The following FUT9 variants were observed in gnomAD, a reference collection of about 807,000 sequenced individuals.
The protein encoded by FUT9 is fucosyltransferase 9, also known as 4-galactosyl-N-acetylglucosaminide 3-alpha-L-fucosyltransferase 9.
Under a neutral mutation model 29.7 loss-of-function variants are expected in FUT9, and 15 were observed. The ratio of observed to expected loss-of-function variants is 0.51; its 90% CI spans 0.34 to 0.78. The LOEUF is 0.78. FUT9 is among the 30% of genes least tolerant of loss of function. The probability of loss-of-function intolerance (pLI) is 0.01; values close to 1 mark genes in which losing one functional copy is unlikely to be tolerated. For missense variants in FUT9, 319 were observed against 425.4 expected, an observed-to-expected ratio of 0.75 and a Z score of 2.20; for synonymous variants, 169 against 153.7, an observed-to-expected ratio of 1.10 and a Z score of -0.74.
chr6:96,064,480 T>G (rs1251461801), intron 1 of FUT9, among the ~76,000 whole-genome samples: 1 of 152,224 alleles, frequency 6.6e-6, no homozygotes, highest in South Asian at 2.1e-4. Context: ...AGGGGGCTGA[T>G]GGCGTCATTA....
At chr6:96,151,207 T>C (rs1772668802) in intron 2 of FUT9, among the ~76,000 whole-genome samples, 1 of 152,216 alleles carries the variant, frequency 6.6e-6, no homozygotes, top group South Asian at 2.1e-4. Flanking sequence ...CTTGAGGCTT[T>C]AATTCTTTGA....
intron 1 of FUT9, among the ~76,000 whole-genome samples, chr6:96,069,807 A>AT (rs1344422033): frequency 6.6e-6 from 1 of 151,686 alleles, no homozygotes; most frequent in East Asian, 1.9e-4. Context: ...ATTTTTTTGT[A>AT]TTTTTAGTAG....
intron 2 of FUT9, among the ~76,000 whole-genome samples, chr6:96,191,844 C>T (rs955485656): frequency 1.3e-5 from 2 of 152,148 alleles, no homozygotes; most frequent in African/African-American, 2.4e-5. Context: ...CATCAAAAAG[C>T]TTATCTAACA....
chr6:96,202,109 C>T (rs1340247615), intron 2 of FUT9, among the ~76,000 whole-genome samples: 1 of 151,844 alleles, frequency 6.6e-6, no homozygotes, highest in Non-Finnish European at 1.5e-5. Context: ...TTTCAAATGA[C>T]CCGTGAGAAT....
chr6:96,156,409 G>C (rs1037163170), intron 2 of FUT9, among the ~76,000 whole-genome samples: 1 of 152,194 alleles, frequency 6.6e-6, no homozygotes, highest in Non-Finnish European at 1.5e-5. Context: ...CACTCGAAGA[G>C]TGAGTGGAGT....
intron 2 of FUT9, among the ~76,000 whole-genome samples, chr6:96,161,042 A>G (rs1772891109): frequency 1.3e-5 from 2 of 152,194 alleles, no homozygotes; most frequent in Non-Finnish European, 2.9e-5. Context: ...AGTAGAGGAA[A>G]ATCTAGATTC....
chr6:96,187,264 C>G (rs930987016), intron 2 of FUT9, among the ~76,000 whole-genome samples: 3 of 152,114 alleles, frequency 2.0e-5, no homozygotes, highest in African/African-American at 7.2e-5. Flanking sequence ...GAGTGTTTCA[C>G]TGAATTCAAA....
At chr6:96,018,962 A>G (rs956492036) in intron 1 of FUT9, among the ~76,000 whole-genome samples, 3 of 151,890 alleles carry the variant, frequency 2.0e-5, no homozygotes, top group African/African-American at 7.2e-5. Context: ...AACTAAATAA[A>G]AGTTCTATTA....
At chr6:96,198,039 A>C (rs934807604) in intron 2 of FUT9, among the ~76,000 whole-genome samples, 5 of 151,968 alleles carry the variant, frequency 3.3e-5, no homozygotes, top group Non-Finnish European at 5.9e-5. Context: ...TGGTTGGAGA[A>C]TTACAACTCT....
At chr6:96,129,173 G>A (rs540663742) in intron 2 of FUT9, among the ~76,000 whole-genome samples, 2 of 151,196 alleles carry the variant, frequency 1.3e-5, no homozygotes, top group East Asian at 1.9e-4. Context: ...GCTGAGGCAG[G>A]AGAATGGCAT....
In FUT9 at chr6:96,207,066, C is replaced by T. The variant is rs1047286037; in HGVS notation, c.*2831C>T. The T allele has an allele frequency of 1.2e-5, 2 of 166,916 alleles. No homozygotes were observed. The highest frequency in any genetic ancestry group is 1.3e-4 in the Admixed American group (2 of 15,250). 10.3% of individuals were successfully genotyped at this position (166,916 alleles called of 1,614,324 possible). On this transcript the variant is annotated 3_prime_UTR_variant, in exon 3 of 3. Transcript: ENST00000302103. ...GGAAGAATTAAATGACTCAATGGAA[C>T]CCTTTAGCTGTGGGTCCATTGATGT...
intron 1 of FUT9, among the ~76,000 whole-genome samples, chr6:96,017,836 C>G (rs1237441054): frequency 2.0e-5 from 3 of 152,170 alleles, no homozygotes; most frequent in Admixed American, 6.5e-5. Context: ...TATGCTTCAT[C>G]ACCTTAAAGG....
chr6:96,098,617 G>A (rs2127956053), intron 1 of FUT9, among the ~76,000 whole-genome samples: 1 of 152,204 alleles, frequency 6.6e-6, no homozygotes, highest in Admixed American at 6.5e-5. Context: ...ATTCCCAAAT[G>A]TATTCAATAT....
intron 1 of FUT9, among the ~76,000 whole-genome samples, chr6:96,056,514 C>T (rs183082085): frequency 6.6e-6 from 1 of 152,274 alleles, no homozygotes; most frequent in Non-Finnish European, 1.5e-5. Context: ...CCATGACTAT[C>T]ACTAATTCAG....
chr6:96,204,071 G>A lies in FUT9; in HGVS notation c.916G>A (p.Asp306Asn), dbSNP rs371644802. ...GCTAGCAAAGTATCTGAAGGAAGTC[G>A]ACAAAAACAATAAGTTATACCTTAG... is the stretch of plus-strand genomic sequence containing the variant. ...SELAKYLKEV[D>N]KNNKLYLSYF... The change falls in exon 3 of 3, where the codon GAC becomes AAC. Residue 306 changes from aspartate to asparagine, a missense_variant. Asp to Asn is a conservative substitution (Grantham distance 23, BLOSUM62 1). Coordinates refer to ENST00000302103, the MANE Select transcript of FUT9 (RefSeq NM_006581.4). The A allele has an allele frequency of 4.6e-5, 71 of 1,548,268 alleles. No individual in the cohort carries two copies. Among genetic ancestry groups the A allele is most frequent in the Admixed American group, 1.0e-4 (5 of 48,188 alleles).
chr6:96,170,088 TTATAAA>T (rs1773083831), intron 2 of FUT9, among the ~76,000 whole-genome samples: 2 of 152,162 alleles, frequency 1.3e-5, no homozygotes, highest in South Asian at 2.1e-4. Flanking sequence ...TCTAATGAAA[TTATAAA>T]TATAATATTT....
intron 1 of FUT9, among the ~76,000 whole-genome samples, chr6:96,021,496 C>T (rs1446188772): frequency 1.3e-5 from 2 of 151,752 alleles, no homozygotes; most frequent in African/African-American, 4.8e-5. Flanking sequence ...GAAGTACAAG[C>T]GGAGGATGCA....
intron 2 of FUT9, among the ~76,000 whole-genome samples, chr6:96,180,625 C>G (rs1251770315): frequency 6.6e-6 from 1 of 151,990 alleles, no homozygotes; most frequent in East Asian, 1.9e-4. Context: ...CCCCTGCCAC[C>G]AACACTCTCC....
At chr6:96,201,028 T>G (rs1248541800) in intron 2 of FUT9, among the ~76,000 whole-genome samples, 1 of 152,016 alleles carries the variant, frequency 6.6e-6, no homozygotes, top group Non-Finnish European at 1.5e-5. Flanking sequence ...AGATTATAAT[T>G]GACCTCATGA....
Sources: gnomAD v4.1 joint callset for allele counts (sites outside exome capture counted in the v4.1 genomes callset) on GRCh38, gnomAD v4.1.1 for gene constraint, MANE v1.5 for transcripts, NCBI Gene and HGNC (gene_info 2026-07-23, HGNC 2026-07-21) for gene names.